GSE1: variants seen among roughly 807,000 people sequenced by gnomAD.
The protein encoded by GSE1 is Gse1 coiled-coil protein.
Under a neutral mutation model 112.6 loss-of-function variants are expected in GSE1, and 32 were observed. The observed-to-expected ratio is 0.28, with a 90% CI of 0.21 to 0.38. The LOEUF (loss-of-function observed/expected upper bound fraction) is 0.38, where lower values mean the gene tolerates loss of function less well. Among genes scored for constraint, GSE1 ranks in the 10% least tolerant of loss-of-function variants. GSE1 has a pLI of 1.00. For synonymous variants in GSE1, 1,115 were observed against 735.6 expected (o/e 1.52, Z -8.35); for missense variants, 2,348 against 1,699.2 (o/e 1.38, Z -6.71).
At chr16:85,629,903 G>C (rs2049399478) in intron 1 of GSE1, among the ~76,000 whole-genome samples, 1 of 152,230 alleles carries the variant, frequency 6.6e-6, no homozygotes, top group African/African-American at 2.4e-5. Flanking sequence ...CCGCAGCTCA[G>C]TGGCTTAAAC....
chr16:85,434,592 C>T (rs1394326325), intron 2 of GSE1, among the ~76,000 whole-genome samples: 2 of 152,122 alleles, frequency 1.3e-5, no homozygotes, highest in African/African-American at 4.8e-5. Flanking sequence ...CTGAGACAGG[C>T]GGATCACTTG....
At chr16:85,371,803 A>T (rs557851363) in intron 2 of GSE1, among the ~76,000 whole-genome samples, 1 of 152,288 alleles carries the variant, frequency 6.6e-6, no homozygotes, top group East Asian at 1.9e-4. Context: ...TTTCCCGTGG[A>T]GGGGGAAACT....
intron 1 of GSE1, among the ~76,000 whole-genome samples, chr16:85,619,363 C>T (rs576739581): frequency 1.3e-5 from 2 of 151,402 alleles, no homozygotes; most frequent in Non-Finnish European, 2.9e-5. Context: ...CAGGTTAAGC[C>T]GTCCCGAAGG....
At chr16:85,183,380 T>A (rs1315574549) in intron 1 of GSE1, among the ~76,000 whole-genome samples, 1 of 152,198 alleles carries the variant, frequency 6.6e-6, no homozygotes, top group Non-Finnish European at 1.5e-5. Flanking sequence ...GCACAGACTC[T>A]GGAGTCCAGC....
intron 2 of GSE1, among the ~76,000 whole-genome samples, chr16:85,450,789 G>A (rs1002191037): frequency 1.3e-5 from 2 of 151,546 alleles, no homozygotes; most frequent in African/African-American, 2.4e-5. Flanking sequence ...GGCCGGGCAC[G>A]GTGGTTCACA....
At chr16:85,441,228 G>A (rs1430039134) in intron 2 of GSE1, among the ~76,000 whole-genome samples, 2 of 152,144 alleles carry the variant, frequency 1.3e-5, no homozygotes, top group African/African-American at 4.8e-5. Context: ...ACCATCTCTG[G>A]CCTCGACCCA....
chr16:85,642,564 G>T (rs959176731), intron 2 of GSE1, among the ~76,000 whole-genome samples: 1 of 152,228 alleles, frequency 6.6e-6, no homozygotes, highest in Non-Finnish European at 1.5e-5. Context: ...TCGGCAGCAT[G>T]GGCTAGGCAT....
intron 2 of GSE1, among the ~76,000 whole-genome samples, chr16:85,483,483 T>C (rs1054976020): frequency 1.3e-5 from 2 of 152,252 alleles, no homozygotes; most frequent in Admixed American, 1.3e-4. Flanking sequence ...CTAGTTCCCG[T>C]GGCCCAGCGC....
chr16:85,606,081 G>A (rs2047691355), intron 1 of GSE1, among the ~76,000 whole-genome samples: 1 of 152,164 alleles, frequency 6.6e-6, no homozygotes, highest in Non-Finnish European at 1.5e-5. Flanking sequence ...CACCACAGAA[G>A]TTTCGGCTCC....
At chr16:85,172,457 C>T (rs530347317) in intron 1 of GSE1, among the ~76,000 whole-genome samples, 31 of 152,338 alleles carry the variant, frequency 2.0e-4, no homozygotes, top group African/African-American at 5.3e-4. Flanking sequence ...AGGAGGCAGA[C>T]GGGAGGCCTG....
At chr16:85,360,670 G>A (rs935661304) in intron 2 of GSE1, among the ~76,000 whole-genome samples, 1 of 152,136 alleles carries the variant, frequency 6.6e-6, no homozygotes, top group Admixed American at 6.5e-5. Flanking sequence ...ACATGCAGAC[G>A]CACGAGACAG....
intron 1 of GSE1, among the ~76,000 whole-genome samples, chr16:85,190,895 A>G (rs968936313): frequency 5.9e-5 from 9 of 152,346 alleles, no homozygotes; most frequent in South Asian, 2.1e-4. Context: ...TTTCATCTCC[A>G]GGGTGGCCTA....
intron 2 of GSE1, among the ~76,000 whole-genome samples, chr16:85,369,655 A>G (rs1286756314): frequency 2.0e-5 from 3 of 152,192 alleles, no homozygotes; most frequent in Non-Finnish European, 4.4e-5. Flanking sequence ...TCATGTCTGC[A>G]AAGTCCCTTC....
chr16:85,193,478 T>TC (rs1026514167), intron 1 of GSE1, among the ~76,000 whole-genome samples: 8 of 152,046 alleles, frequency 5.3e-5, no homozygotes, highest in African/African-American at 1.9e-4. Context: ...TTTGTTTTTT[T>TC]TGAGTTGGTC....
chr16:85,560,828 AAAT>A (rs1031110378), intron 1 of GSE1, among the ~76,000 whole-genome samples: 5 of 152,094 alleles, frequency 3.3e-5, no homozygotes, highest in Non-Finnish European at 4.4e-5. Context: ...ATCCTAAAAA[AAAT>A]AATAATAATA....
intron 1 of GSE1, among the ~76,000 whole-genome samples, chr16:85,304,567 T>A (rs2045615011): frequency 1.7e-5 from 2 of 117,222 alleles, no homozygotes; most frequent in Admixed American, 1.3e-4. Context: ...GCTTTTGAGA[T>A]TGAAAAGCTG....
intron 1 of GSE1, chr16:85,593,123 C>T (rs1034919134): frequency 2.0e-5 from 3 of 152,356 alleles, no homozygotes; most frequent in African/African-American, 7.2e-5. Flanking sequence ...GCTGGGGTCA[C>T]ACAGCTGCTG....
chr16:85,246,099 C>T (rs950607246), intron 1 of GSE1, among the ~76,000 whole-genome samples: 1 of 151,244 alleles, frequency 6.6e-6, no homozygotes, highest in Admixed American at 6.6e-5. Flanking sequence ...TTGCAGGAAA[C>T]CTGAGACCAC....
chr16:85,350,730 C>T (rs1036779717), intron 1 of GSE1, among the ~76,000 whole-genome samples: 1 of 152,218 alleles, frequency 6.6e-6, no homozygotes, highest in Non-Finnish European at 1.5e-5. Context: ...CAGAAGAGTT[C>T]GTTGAATTTC....
Sources: gnomAD v4.1 joint callset for allele counts (sites outside exome capture counted in the v4.1 genomes callset) on GRCh38, gnomAD v4.1.1 for gene constraint, MANE v1.5 for transcripts, NCBI Gene and HGNC (gene_info 2026-07-23, HGNC 2026-07-21) for gene names.